FILIP1: variants seen among roughly 807,000 people sequenced by gnomAD.
FILIP1 encodes filamin-A-interacting protein 1.
FILIP1 carries 61 observed loss-of-function variants against 102.1 expected under a neutral mutation model. That is an observed-to-expected ratio of 0.60 (90% CI 0.49 to 0.74). The LOEUF (loss-of-function observed/expected upper bound fraction) is 0.74, where lower values mean the gene tolerates loss of function less well. Among genes scored for constraint, FILIP1 ranks in the 30% least tolerant of loss-of-function variants. FILIP1 has a pLI of 0.00. For synonymous variants in FILIP1, 491 were observed against 526.9 expected (o/e 0.93, Z 0.93); for missense variants, 1,314 against 1,441.2 (o/e 0.91, Z 1.43).
intron 2 of FILIP1, chr6:75,367,767 AAT>A (rs1437714321): frequency 1.1e-4 from 17 of 152,364 alleles, no homozygotes; most frequent in Admixed American, 2.0e-4. Context: ...CAAATGATTC[AAT>A]ATATGTTACA....
intron 2 of FILIP1, among the ~76,000 whole-genome samples, chr6:75,365,382 T>G (rs1044213590): frequency 1.3e-5 from 2 of 152,092 alleles, no homozygotes; most frequent in African/African-American, 4.8e-5. Context: ...TTTTTGTTTT[T>G]GTTTTTGAGA....
intron 1 of FILIP1, among the ~76,000 whole-genome samples, chr6:75,430,929 T>C (rs569592677): frequency 1.3e-5 from 2 of 152,334 alleles, no homozygotes; most frequent in South Asian, 2.1e-4. Context: ...TGTGGTTTGA[T>C]GTGAACCTAG....
chr6:75,351,136 G>A (rs1011639847), intron 4 of FILIP1, among the ~76,000 whole-genome samples: 1 of 151,954 alleles, frequency 6.6e-6, no homozygotes, highest in Non-Finnish European at 1.5e-5. Flanking sequence ...ACGCGATCTT[G>A]GCTCACTGCA....
chr6:75,330,232 C>T (rs182772327), intron 4 of FILIP1, among the ~76,000 whole-genome samples: 1 of 152,250 alleles, frequency 6.6e-6, no homozygotes, highest in East Asian at 1.9e-4. Flanking sequence ...AAGGTGAGAG[C>T]CTCACTTGCC....
intron 1 of FILIP1, among the ~76,000 whole-genome samples, chr6:75,488,546 TC>T (rs1268371738): frequency 2.0e-5 from 3 of 152,172 alleles, no homozygotes; most frequent in African/African-American, 7.2e-5. Context: ...AAAAGTTATT[TC>T]CTTCTTTTCT....
chr6:75,300,464 C>T (rs1031656449), intron 6 of FILIP1, among the ~76,000 whole-genome samples: 1 of 152,186 alleles, frequency 6.6e-6, no homozygotes, highest in African/African-American at 2.4e-5. Context: ...ACCTACTGGC[C>T]TCAGAACAAC....
chr6:75,442,599 C>T (rs1337012420), intron 1 of FILIP1, among the ~76,000 whole-genome samples: 5 of 152,200 alleles, frequency 3.3e-5, no homozygotes, highest in African/African-American at 9.6e-5. Flanking sequence ...CAAAAAAATA[C>T]GAAAACCAGT....
At chr6:75,362,154 A>G (rs1029121398) in intron 3 of FILIP1, 1 of 152,244 alleles carries the variant, frequency 6.6e-6, no homozygotes, top group Non-Finnish European at 1.5e-5. Context: ...TTCTGCTACA[A>G]TGTGAGAGTA....
chr6:75,395,862 C>T (rs927062829), intron 2 of FILIP1, among the ~76,000 whole-genome samples: 2 of 152,006 alleles, frequency 1.3e-5, no homozygotes, highest in African/African-American at 2.4e-5. Context: ...AGTTATTTTA[C>T]GACAAATAAT....
chr6:75,390,431 A>C (rs981668950), intron 2 of FILIP1, among the ~76,000 whole-genome samples: 3 of 152,144 alleles, frequency 2.0e-5, no homozygotes, highest in Non-Finnish European at 2.9e-5. Flanking sequence ...TAATTGGCTC[A>C]TGGTTCCACA....
intron 4 of FILIP1, among the ~76,000 whole-genome samples, chr6:75,351,006 G>A (rs1212591766): frequency 6.6e-6 from 1 of 152,122 alleles, no homozygotes; most frequent in African/African-American, 2.4e-5. Context: ...CTGTCAACAA[G>A]GGACTGCATA....
rs138128603 is a variant in FILIP1 at position 75,417,481 on chromosome 6, A to C, written c.-6-2503T>G. On this transcript the variant is annotated intron_variant, in intron 1 of 5. Transcript: ENST00000237172. Reference sequence around the variant, plus strand: ...ACTAAGTCTGCTATAAATAATGTACACTTTAAAATGCTTTATTCTATTTTG... The same window carrying C: ...ACTAAGTCTGCTATAAATAATGTACCCTTTAAAATGCTTTATTCTATTTTG... 3.3e-5 allele frequency among the ~76,000 whole-genome samples: 5 copies of C among 152,354 alleles called. No homozygotes were observed. The East Asian group carries it at 9.6e-4, about 29-fold the overall frequency.
At chr6:75,429,690 G>A (rs1313462258) in intron 1 of FILIP1, among the ~76,000 whole-genome samples, 2 of 152,144 alleles carry the variant, frequency 1.3e-5, no homozygotes, top group Non-Finnish European at 2.9e-5. Context: ...GAAGGCCTAA[G>A]GAACATGCCC....
chr6:75,302,818 T>C (rs199960726), intron 6 of FILIP1, among the ~76,000 whole-genome samples: 4 of 99,534 alleles, frequency 4.0e-5, no homozygotes, highest in Non-Finnish European at 4.1e-5. Flanking sequence ...TATGATATGA[T>C]ATGACATGAT....
chr6:75,342,908 CTT>C (rs1159413680), intron 4 of FILIP1, among the ~76,000 whole-genome samples: 3 of 152,182 alleles, frequency 2.0e-5, no homozygotes, highest in African/African-American at 7.2e-5. Context: ...CATTTTTACT[CTT>C]TTTCTCCTGA....
At chr6:75,493,329 A>C (rs1348553625) in intron 1 of FILIP1, 85 bp downstream of exon 1, 2 of 152,254 alleles carry the variant, frequency 1.3e-5, no homozygotes, top group Non-Finnish European at 2.9e-5. Context: ...CAAAGGAAAC[A>C]GACAAAACAG....
intron 4 of FILIP1, chr6:75,319,713 C>T (rs1447818784): frequency 3.0e-6 from 1 of 330,196 alleles, no homozygotes; most frequent in African/African-American, 2.2e-5. Context: ...GCCTGTAGTC[C>T]CAGCTACTGC....
chr6:75,416,933 T>C (rs1352093409), intron 1 of FILIP1, among the ~76,000 whole-genome samples: 1 of 152,146 alleles, frequency 6.6e-6, no homozygotes, highest in Non-Finnish European at 1.5e-5. Flanking sequence ...CACAATTATA[T>C]CTGCAAACAT....
downstream of FILIP1, among the ~76,000 whole-genome samples, chr6:75,306,518 T>C (rs532038621): frequency 2.6e-5 from 4 of 152,302 alleles, no homozygotes; most frequent in African/African-American, 9.6e-5. Context: ...TTCACAAATG[T>C]CAGGTACACA....
Sources: gnomAD v4.1 joint callset for allele counts (sites outside exome capture counted in the v4.1 genomes callset) on GRCh38, gnomAD v4.1.1 for gene constraint, MANE v1.5 for transcripts, NCBI Gene and HGNC (gene_info 2026-07-23, HGNC 2026-07-21) for gene names.